MSRA: variants seen among roughly 807,000 people sequenced by gnomAD.
MSRA encodes methionine sulfoxide reductase A.
MSRA carries 54 observed loss-of-function variants against 31.3 expected under a neutral mutation model. The ratio of observed to expected loss-of-function variants is 1.73; its 90% CI spans 1.39 to 2.17. The LOEUF (loss-of-function observed/expected upper bound fraction) is 2.17, where lower values mean the gene tolerates loss of function less well. Ranked by LOEUF, MSRA falls within the 30% of genes most tolerant of loss-of-function variation. The pLI is 0.00. For missense variants in MSRA, 507 were observed against 300.9 expected, an observed-to-expected ratio of 1.69 and a Z score of -5.07; for synonymous variants, 169 against 116.5, an observed-to-expected ratio of 1.45 and a Z score of -2.90.
intron 1 of MSRA, among the ~76,000 whole-genome samples, chr8:10,201,304 G>T (rs1453399831): frequency 2.6e-5 from 4 of 152,098 alleles, no homozygotes; most frequent in African/African-American, 9.7e-5. Context: ...TTAATAACAT[G>T]ACCCGATGAG....
chr8:10,420,011 C>T (rs1257939944), intron 5 of MSRA, among the ~76,000 whole-genome samples: 1 of 152,164 alleles, frequency 6.6e-6, no homozygotes, highest in Non-Finnish European at 1.5e-5. Context: ...GTGGGGTGTG[C>T]TTGTCATGTT....
intron 3 of MSRA, among the ~76,000 whole-genome samples, chr8:10,290,400 A>G (rs979981310): frequency 6.6e-6 from 1 of 152,196 alleles, no homozygotes; most frequent in African/African-American, 2.4e-5. Context: ...CCATTTGGCT[A>G]GATGACCTTT....
intron 3 of MSRA, among the ~76,000 whole-genome samples, chr8:10,266,772 G>A (rs1033668292): frequency 6.6e-6 from 1 of 152,142 alleles, no homozygotes; most frequent in South Asian, 2.1e-4. Context: ...TTTGACACGT[G>A]TGTAATATAG....
chr8:10,394,927 A>G (rs1417895997), intron 5 of MSRA, among the ~76,000 whole-genome samples: 1 of 152,234 alleles, frequency 6.6e-6, no homozygotes, highest in Admixed American at 6.5e-5. Flanking sequence ...AGTTCAATCC[A>G]CATATGAACT....
intron 5 of MSRA, among the ~76,000 whole-genome samples, chr8:10,390,162 G>A (rs890640502): frequency 1.3e-5 from 2 of 152,228 alleles, no homozygotes; most frequent in African/African-American, 4.8e-5. Context: ...GCCAGTCTCT[G>A]TACCTTGGGG....
At chr8:10,347,143 C>T (rs754065228) in intron 5 of MSRA, among the ~76,000 whole-genome samples, 1 of 152,184 alleles carries the variant, frequency 6.6e-6, no homozygotes, top group African/African-American at 2.4e-5. Flanking sequence ...TTGGTCCAAA[C>T]ACTCCTTGAG....
chr8:10,263,713 A>G (rs1226677457), intron 3 of MSRA, among the ~76,000 whole-genome samples: 1 of 152,210 alleles, frequency 6.6e-6, no homozygotes, highest in African/African-American at 2.4e-5. Flanking sequence ...TGCTGGGGAC[A>G]GGAATAGGGA....
At chr8:10,248,396 C>T (rs754349277) in intron 3 of MSRA, among the ~76,000 whole-genome samples, 8 of 152,084 alleles carry the variant, frequency 5.3e-5, no homozygotes, top group Non-Finnish European at 1.0e-4. Context: ...ATCCACAGGG[C>T]CAGCTTTACC....
intron 5 of MSRA, among the ~76,000 whole-genome samples, chr8:10,375,159 T>G (rs1285219975): frequency 6.6e-6 from 1 of 152,208 alleles, no homozygotes; most frequent in Non-Finnish European, 1.5e-5. Context: ...AATAACACAC[T>G]TGTACAGCCA....
chr8:10,354,881 G>A (rs764004489), intron 5 of MSRA, among the ~76,000 whole-genome samples: 14 of 151,514 alleles, frequency 9.2e-5, no homozygotes, highest in Non-Finnish European at 1.2e-4. Context: ...TTGACATTTG[G>A]GTTGCTTCCA....
chr8:10,383,742 C>T (rs1468331318), intron 5 of MSRA, among the ~76,000 whole-genome samples: 1 of 152,208 alleles, frequency 6.6e-6, no homozygotes, highest in Non-Finnish European at 1.5e-5. Flanking sequence ...AAGCCCAGTG[C>T]TGCATTGGGA....
At chr8:10,209,082 C>T (rs17151342) in intron 2 of MSRA, among the ~76,000 whole-genome samples, 4,029 of 152,296 alleles carry the variant, frequency 0.026, 184 homozygotes, top group African/African-American at 0.092. Flanking sequence ...CCTTTTAAAA[C>T]ATACTGATCA....
intron 1 of MSRA, among the ~76,000 whole-genome samples, chr8:10,205,018 G>GGT (rs1808830773): frequency 6.6e-6 from 1 of 152,154 alleles, no homozygotes; most frequent in Non-Finnish European, 1.5e-5. Context: ...GGGTGGCTGT[G>GGT]GTGGATGGAT....
At chr8:10,169,276 C>G (rs1229388916) in intron 1 of MSRA, among the ~76,000 whole-genome samples, 1 of 152,194 alleles carries the variant, frequency 6.6e-6, no homozygotes, top group Non-Finnish European at 1.5e-5. Context: ...TGTTACCAAC[C>G]TGCATTTCTT....
chr8:10,127,856 A>T (rs1801611198), intron 1 of MSRA, among the ~76,000 whole-genome samples: 1 of 150,190 alleles, frequency 6.7e-6, no homozygotes, highest in African/African-American at 2.4e-5. Flanking sequence ...AACTTCAAGT[A>T]TTTTTTTTTT....
intron 5 of MSRA, among the ~76,000 whole-genome samples, chr8:10,398,251 C>G (rs1585681389): frequency 6.6e-6 from 1 of 152,314 alleles, no homozygotes; most frequent in Non-Finnish European, 1.5e-5. Context: ...CTGGGGTAAG[C>G]CATTCCATTA....
In MSRA at chr8:10,139,612, A is replaced by G. The variant is rs562204815; in HGVS notation, c.143-68221A>G. ...TTGGCTGCCACTTACATGTGAGAAC[A>G]TACAGTCTTTGACTTTGTTTCTGAG... On this transcript the variant is annotated intron_variant, in intron 1 of 5. Coordinates refer to ENST00000317173, the MANE Select transcript of MSRA (RefSeq NM_012331.5). Among the ~76,000 whole-genome samples, 4 of 152,334 alleles carry G rather than the reference A, an allele frequency of 2.6e-5. No homozygotes were observed. The South Asian group carries it at 6.2e-4, about 24-fold the overall frequency.
chr8:10,203,952 A>G (rs1808724386), intron 1 of MSRA, among the ~76,000 whole-genome samples: 1 of 151,874 alleles, frequency 6.6e-6, no homozygotes, highest in South Asian at 2.1e-4. Context: ...TCAACAGAAA[A>G]TTTAAAAAGT....
At chr8:10,279,546 T>A (rs1430923824) in intron 3 of MSRA, among the ~76,000 whole-genome samples, 1 of 152,128 alleles carries the variant, frequency 6.6e-6, no homozygotes, top group East Asian at 1.9e-4. Context: ...CTGGTTTACG[T>A]CTCTGACTCT....
Sources: allele counts gnomAD v4.1 joint callset (sites outside exome capture counted in the v4.1 genomes callset), GRCh38; gene constraint gnomAD v4.1.1; transcripts MANE v1.5; gene names NCBI Gene and HGNC (gene_info 2026-07-23, HGNC 2026-07-21).